The following RHOJ variants were observed in gnomAD, a reference collection of about 807,000 sequenced individuals.
RHOJ encodes the protein rho-related GTP-binding protein RhoJ.
In RHOJ, 11 loss-of-function variants were observed where a neutral mutation model predicts 23.4. The ratio of observed to expected loss-of-function variants is 0.47; its 90% CI spans 0.30 to 0.78. The LOEUF is 0.78. Among genes scored for constraint, RHOJ ranks in the 30% least tolerant of loss-of-function variants. The pLI is 0.08. For missense variants in RHOJ, 254 were observed against 273.4 expected (o/e 0.93, Z 0.50); for synonymous variants, 102 against 102.7 (o/e 0.99, Z 0.04).
At chr14:63,262,357 G>A (rs920147258) in intron 1 of RHOJ, among the ~76,000 whole-genome samples, 1 of 152,156 alleles carries the variant, frequency 6.6e-6, no homozygotes. Flanking sequence ...GACTTCATTA[G>A]CATCTCATAC....
chr14:63,237,530 G>A (rs570035305), intron 1 of RHOJ, among the ~76,000 whole-genome samples: 12 of 152,166 alleles, frequency 7.9e-5, no homozygotes, highest in Middle Eastern at 3.4e-3. Flanking sequence ...TTCCCTCTTA[G>A]GCCAAAGCAG....
chr14:63,286,970 T>C (rs1882102550), intron 4 of RHOJ, among the ~76,000 whole-genome samples: 3 of 152,182 alleles, frequency 2.0e-5, no homozygotes, highest in Admixed American at 2.0e-4. Flanking sequence ...TCTATTTGCC[T>C]TCTCTGTGTG....
chr14:63,269,404 T>G (rs190211715), intron 2 of RHOJ: 1 of 383,324 alleles, frequency 2.6e-6, no homozygotes, highest in East Asian at 4.0e-5. Context: ...TTCTTTTGAC[T>G]GATGACCATC....
intron 1 of RHOJ, among the ~76,000 whole-genome samples, chr14:63,230,817 A>G (rs1402702145): frequency 6.8e-6 from 1 of 147,578 alleles, no homozygotes; most frequent in East Asian, 2.1e-4. Context: ...GAGTGAGTGA[A>G]TGGAAGTTTA....
Position 63,291,415 on chromosome 14 carries a change from G to A in RHOJ, c.*391G>A, listed in dbSNP as rs1277553484. Reference sequence around the variant, plus strand: ...TCCTCTATTGCTGGCCTTACTTGATGTCTTTTATAAAACTTGGGACTACAA... The same window carrying A: ...TCCTCTATTGCTGGCCTTACTTGATATCTTTTATAAAACTTGGGACTACAA... On this transcript the variant is annotated 3_prime_UTR_variant, in exon 5 of 5. Transcript: ENST00000316754. The A allele has an allele frequency of 7.2e-6, 2 of 279,614 alleles. No individual in the cohort carries two copies. Among genetic ancestry groups the A allele is most frequent in the East Asian group, 1.0e-4 (1 of 9,602 alleles). 17.3% of individuals were successfully genotyped at this position (279,614 alleles called of 1,614,324 possible). A position where few individuals can be genotyped will look rare whatever the true frequency, so the allele number is the denominator to read the frequency against.
intron 1 of RHOJ, among the ~76,000 whole-genome samples, chr14:63,235,462 T>A (rs1389802334): frequency 5.3e-5 from 8 of 152,184 alleles, no homozygotes; most frequent in Non-Finnish European, 1.2e-4. Context: ...TAAGAGATGC[T>A]GCTAAAGTAT....
intron 1 of RHOJ, among the ~76,000 whole-genome samples, chr14:63,236,348 T>C (rs1894789232): frequency 6.6e-6 from 1 of 152,168 alleles, no homozygotes; most frequent in African/African-American, 2.4e-5. Context: ...AAAGACATAC[T>C]TGAGACCAGG....
chr14:63,225,045 C>T (rs949899308), intron 1 of RHOJ, among the ~76,000 whole-genome samples: 1 of 151,544 alleles, frequency 6.6e-6, no homozygotes, highest in Non-Finnish European at 1.5e-5. Context: ...CTCCGCCTTC[C>T]GGTTCACGCC....
chr14:63,273,324 G>A (rs1384459547), intron 2 of RHOJ, among the ~76,000 whole-genome samples: 1 of 152,198 alleles, frequency 6.6e-6, no homozygotes, highest in African/African-American at 2.4e-5. Flanking sequence ...TATTTAGGTT[G>A]TGCCAACTCA....
chr14:63,269,074 G>T, intron 1 of RHOJ, 36 bp from the exon 2 acceptor site: 1 of 1,497,852 alleles, frequency 6.7e-7, no homozygotes, highest in Non-Finnish European at 9.3e-7. Flanking sequence ...TGTGTTTATG[G>T]ACTCTCCTCT....
chr14:63,216,571 G>A (rs977258372), intron 1 of RHOJ, among the ~76,000 whole-genome samples: 1 of 152,150 alleles, frequency 6.6e-6, no homozygotes, highest in South Asian at 2.1e-4. Flanking sequence ...TCTCTCCTCA[G>A]GAGTCCTCCT....
Position 63,264,723 on chromosome 14 carries a change from G to C in RHOJ, c.179-4387G>C, listed in dbSNP as rs999707556. Among the ~76,000 whole-genome samples, 4 of 152,272 alleles carry C rather than the reference G, an allele frequency of 2.6e-5. 1 individual carries two copies. Among genetic ancestry groups the C allele is most frequent in the South Asian group, 4.1e-4 (2 of 4,824 alleles). ...TTTTCAGTAATAGCCATTCTGACTGGTGTGAGATAGTATTTTACTATAGTT... is the reference window on the plus strand; with the variant it reads ...TTTTCAGTAATAGCCATTCTGACTGCTGTGAGATAGTATTTTACTATAGTT... On this transcript the variant is annotated intron_variant, in intron 1 of 4. Coordinates refer to ENST00000316754, the MANE Select transcript of RHOJ (RefSeq NM_020663.5).
chr14:63,226,959 AT>A (rs908203579), intron 1 of RHOJ, among the ~76,000 whole-genome samples: 8 of 151,436 alleles, frequency 5.3e-5, no homozygotes, highest in East Asian at 3.9e-4. Flanking sequence ...TGAGCTAAGT[AT>A]TTTTTTTTAA....
chr14:63,257,484 C>T (rs1183257281), intron 1 of RHOJ, among the ~76,000 whole-genome samples: 4 of 149,892 alleles, frequency 2.7e-5, no homozygotes, highest in African/African-American at 9.8e-5. Flanking sequence ...ATCTGAGCAA[C>T]GAGGTCAGGT....
chr14:63,245,053 C>T (rs187096963), intron 1 of RHOJ, among the ~76,000 whole-genome samples: 1 of 152,336 alleles, frequency 6.6e-6, no homozygotes, highest in Admixed American at 6.5e-5. Context: ...CTCTGCATAT[C>T]ACTGTCTTTA....
Position 63,291,048 on chromosome 14 carries a change from C to G in RHOJ, c.*24C>G, listed in dbSNP as rs201843509. Reference sequence around the variant, plus strand: ...GAGGTTGTCTGGGACCTGCCTCCACCCCATCCAGGGATGAGAATGGCAGCC... The same window carrying G: ...GAGGTTGTCTGGGACCTGCCTCCACGCCATCCAGGGATGAGAATGGCAGCC... On this transcript the variant is annotated 3_prime_UTR_variant, in exon 5 of 5. Transcript: ENST00000316754. The G allele has an allele frequency of 1.7e-5, 27 of 1,613,296 alleles. No individual in the cohort carries two copies. Among genetic ancestry groups the G allele is most frequent in the Non-Finnish European group, 2.2e-5 (26 of 1,179,680 alleles).
intron 1 of RHOJ, among the ~76,000 whole-genome samples, chr14:63,260,515 A>T (rs963441119): frequency 5.3e-5 from 8 of 152,240 alleles, no homozygotes. Context: ...CAACAGCACA[A>T]TAACCATGAT....
At chr14:63,290,194 T>C (rs1467664344) in intron 4 of RHOJ, among the ~76,000 whole-genome samples, 1 of 152,204 alleles carries the variant, frequency 6.6e-6, no homozygotes, top group Admixed American at 6.5e-5. Flanking sequence ...AGAGTTAAGA[T>C]GGTGCCACTG....
At chr14:63,277,617 C>A (rs1881761781) in intron 2 of RHOJ, among the ~76,000 whole-genome samples, 1 of 152,192 alleles carries the variant, frequency 6.6e-6, no homozygotes, top group South Asian at 2.1e-4. Flanking sequence ...GAGGTCATTT[C>A]TTCCAGTCTG....
Sources: allele counts gnomAD v4.1 joint callset (sites outside exome capture counted in the v4.1 genomes callset), GRCh38; gene constraint gnomAD v4.1.1; transcripts MANE v1.5; gene names NCBI Gene and HGNC (gene_info 2026-07-23, HGNC 2026-07-21).